The following TBC1D22A variants were observed in gnomAD, a reference collection of about 807,000 sequenced individuals.
The protein encoded by TBC1D22A is TBC1 domain family member 22A.
Under a neutral mutation model 60.2 loss-of-function variants are expected in TBC1D22A, and 38 were observed. That is an observed-to-expected ratio of 0.63 (90% confidence interval 0.49 to 0.83). The LOEUF is 0.83. Among genes scored for constraint, TBC1D22A ranks in the 40% least tolerant of loss-of-function variants. TBC1D22A has a pLI of 0.00. For missense variants in TBC1D22A, 628 were observed against 701.0 expected (o/e 0.90, Z 1.18); for synonymous variants, 302 against 281.7 (o/e 1.07, Z -0.72).
chr22:46,932,074 C>G (rs2071382385), intron 8 of TBC1D22A, among the ~76,000 whole-genome samples: 1 of 152,164 alleles, frequency 6.6e-6, no homozygotes, highest in Non-Finnish European at 1.5e-5. Context: ...TCATGCATGC[C>G]CCCATTTGTG....
chr22:46,890,704 G>A (rs1407822127), intron 5 of TBC1D22A, among the ~76,000 whole-genome samples: 1 of 152,188 alleles, frequency 6.6e-6, no homozygotes, highest in Non-Finnish European at 1.5e-5. Flanking sequence ...GGCCCTTTCT[G>A]ACTTCAAGTC....
At chr22:47,035,798 C>G (rs777880015) in intron 10 of TBC1D22A, among the ~76,000 whole-genome samples, 1 of 152,152 alleles carries the variant, frequency 6.6e-6, no homozygotes, top group Non-Finnish European at 1.5e-5. Context: ...GCTCCCGGTC[C>G]CACGGCCCTG....
intron 9 of TBC1D22A, among the ~76,000 whole-genome samples, chr22:46,988,803 A>G (rs1396633194): frequency 1.3e-5 from 2 of 152,224 alleles, no homozygotes; most frequent in African/African-American, 2.4e-5. Flanking sequence ...TAAAGTCACC[A>G]GCTGCTTTAG....
chr22:46,814,530 G>A (rs1481144265), intron 4 of TBC1D22A, among the ~76,000 whole-genome samples: 2 of 152,188 alleles, frequency 1.3e-5, no homozygotes, highest in Non-Finnish European at 2.9e-5. Context: ...TCCCCAGGAC[G>A]TTAAAAAAGC....
chr22:47,046,175 G>A (rs1252132893), intron 11 of TBC1D22A, among the ~76,000 whole-genome samples: 2 of 152,178 alleles, frequency 1.3e-5, no homozygotes, highest in South Asian at 2.1e-4. Flanking sequence ...CAAGGAGGGT[G>A]TCCAAGTCCA....
intron 1 of TBC1D22A, among the ~76,000 whole-genome samples, chr22:46,773,499 C>T (rs1156617692): frequency 6.6e-6 from 1 of 152,120 alleles, no homozygotes; most frequent in Non-Finnish European, 1.5e-5. Flanking sequence ...GAGTCTTGCC[C>T]TGTTACCCAG....
intron 11 of TBC1D22A, among the ~76,000 whole-genome samples, chr22:47,066,643 G>C (rs1004308878): frequency 6.6e-6 from 1 of 152,208 alleles, no homozygotes; most frequent in African/African-American, 2.4e-5. Context: ...GGCCAGCTCT[G>C]TCCCACAGTT....
rs1413708321 is a variant in TBC1D22A at position 46,812,296 on chromosome 22, C to T, written c.637+14676C>T. On this transcript the variant is annotated intron_variant, in intron 4 of 12. Coordinates refer to ENST00000337137, the MANE Select transcript of TBC1D22A (RefSeq NM_014346.5). ...CTGCCGCTGCCTCCTCCTGCCTGCT[C>T]GTTCCCTGGCACCAGCGCTGGCTTC... 3.3e-5 allele frequency among the ~76,000 whole-genome samples: 5 copies of T among 152,342 alleles called. No homozygotes were observed. The East Asian group carries it at 5.8e-4, about 18-fold the overall frequency.
At chr22:47,152,535 C>T (rs890954005) in intron 12 of TBC1D22A, among the ~76,000 whole-genome samples, 18 of 152,248 alleles carry the variant, frequency 1.2e-4, no homozygotes, top group African/African-American at 3.4e-4. Context: ...TGGCCGGCCA[C>T]AACCCCCCAC....
intron 8 of TBC1D22A, among the ~76,000 whole-genome samples, chr22:46,973,389 C>T (rs148800295): frequency 7.2e-5 from 11 of 152,306 alleles, no homozygotes; most frequent in East Asian, 3.9e-4. Context: ...ATTCACAGTG[C>T]GCAGGAGAGG....
intron 8 of TBC1D22A, among the ~76,000 whole-genome samples, chr22:46,940,966 AAT>A (rs748041392): frequency 5.9e-5 from 8 of 135,752 alleles, no homozygotes; most frequent in Middle Eastern, 4.4e-3. Flanking sequence ...GAGGCACTAG[AAT>A]ATATATATAT....
At position 46,787,080 on chromosome 22, in the gene TBC1D22A, G is replaced by A. The variant is rs143262686; in HGVS notation, c.63-5440G>A. ...TGTGTGTATCTTTCTGGGAATTTGC[G>A]CATTGTATCTAATTAATTTTATTTG... On this transcript the variant is annotated intron_variant, in intron 1 of 12. Coordinates refer to ENST00000337137, the MANE Select transcript of TBC1D22A (RefSeq NM_014346.5). Among the ~76,000 whole-genome samples the A allele has an allele frequency of 1.9e-4, 29 of 152,198 alleles. No individual in the cohort carries two copies. The East Asian group carries it at 3.1e-3, about 16-fold the overall frequency.
intron 11 of TBC1D22A, among the ~76,000 whole-genome samples, chr22:47,063,347 G>A (rs1271587264): frequency 6.6e-6 from 1 of 152,186 alleles, no homozygotes; most frequent in Non-Finnish European, 1.5e-5. Flanking sequence ...GGTAGGTGAA[G>A]AGGTTCCCTT....
At chr22:46,775,564 C>A (rs1196971101) in intron 1 of TBC1D22A, among the ~76,000 whole-genome samples, 1 of 152,140 alleles carries the variant, frequency 6.6e-6, no homozygotes, top group East Asian at 1.9e-4. Flanking sequence ...TCCTGTGCGG[C>A]CACAGCTGCC....
intron 4 of TBC1D22A, among the ~76,000 whole-genome samples, chr22:46,834,279 C>A (rs1239130122): frequency 2.6e-5 from 4 of 152,036 alleles, no homozygotes; most frequent in African/African-American, 9.7e-5. Flanking sequence ...AGCCCTCATC[C>A]CCCCCAGCAG....
At chr22:46,867,611 T>C (rs899187148) in intron 4 of TBC1D22A, among the ~76,000 whole-genome samples, 2 of 152,218 alleles carry the variant, frequency 1.3e-5, no homozygotes, top group African/African-American at 4.8e-5. Context: ...CATCAGTAGA[T>C]GTGGAAATAG....
chr22:46,891,151 A>G (rs890779574), intron 5 of TBC1D22A, 115 bp from the exon 6 acceptor site: 3 of 1,201,648 alleles, frequency 2.5e-6, no homozygotes, highest in Non-Finnish European at 3.3e-6. Context: ...TCTCTGTGTC[A>G]GATTTCAGAA....
intron 10 of TBC1D22A, among the ~76,000 whole-genome samples, chr22:47,034,892 C>T (rs1285997158): frequency 6.6e-6 from 1 of 152,196 alleles, no homozygotes; most frequent in Non-Finnish European, 1.5e-5. Flanking sequence ...GTCCTTGCTG[C>T]TCGCGTGTGA....
chr22:47,173,444 C>T (rs565378518), intron 12 of TBC1D22A, 54 bp from the exon 13 acceptor site: 37 of 1,600,348 alleles, frequency 2.3e-5, no homozygotes, highest in African/African-American at 1.5e-4. Flanking sequence ...TGGGGTCACC[C>T]GCCCTCCACC....
Sources: allele counts gnomAD v4.1 joint callset (sites outside exome capture counted in the v4.1 genomes callset), GRCh38; gene constraint gnomAD v4.1.1; transcripts MANE v1.5; gene names NCBI Gene and HGNC (gene_info 2026-07-23, HGNC 2026-07-21).